The following PTPRD variants were observed in gnomAD, a reference collection of about 807,000 sequenced individuals.
PTPRD encodes the protein protein tyrosine phosphatase receptor type D, also known as receptor-type tyrosine-protein phosphatase delta.
In PTPRD, 34 loss-of-function variants were observed where a neutral mutation model predicts 214.5. The observed-to-expected ratio is 0.16, with a 90% CI of 0.12 to 0.21. The LOEUF is 0.21. Among genes scored for constraint, PTPRD ranks in the 10% least tolerant of loss-of-function variants. The pLI, the probability that PTPRD is intolerant of heterozygous loss-of-function variation, is 1.00. For missense variants in PTPRD, 2,545 were observed against 2,398.7 expected (o/e 1.06, Z -1.27); for synonymous variants, 1,128 against 845.7 (o/e 1.33, Z -5.79).
intron 14 of PTPRD, among the ~76,000 whole-genome samples, chr9:8,569,696 TA>T (rs2090525844): frequency 6.6e-6 from 1 of 152,116 alleles, no homozygotes; most frequent in South Asian, 2.1e-4. Context: ...AAAGAGACTT[TA>T]AAACTTCCAC....
At chr9:8,592,721 G>A (rs1250100657) in intron 14 of PTPRD, among the ~76,000 whole-genome samples, 1 of 152,156 alleles carries the variant, frequency 6.6e-6, no homozygotes, top group Non-Finnish European at 1.5e-5. Context: ...AGCACATAAG[G>A]GTTGCTGTGC....
intron 11 of PTPRD, among the ~76,000 whole-genome samples, chr9:8,816,051 A>T (rs1056353921): frequency 6.6e-6 from 1 of 152,210 alleles, no homozygotes; most frequent in South Asian, 2.1e-4. Flanking sequence ...CAGCAATTCC[A>T]GAATACCAAA....
intron 3 of PTPRD, among the ~76,000 whole-genome samples, chr9:10,050,857 A>C: frequency 6.6e-6 from 1 of 152,042 alleles, no homozygotes; most frequent in Non-Finnish European, 1.5e-5. Flanking sequence ...CCAAAAATTA[A>C]TTCTCTATCT....
chr9:9,840,229 G>C (rs1388617060), intron 5 of PTPRD, among the ~76,000 whole-genome samples: 1 of 151,762 alleles, frequency 6.6e-6, no homozygotes, highest in Admixed American at 6.6e-5. Context: ...GTAGAGATGG[G>C]GTTTTAAACT....
Position 9,859,839 on chromosome 9 carries a change from G to C in PTPRD, c.-368+78668C>G, listed in dbSNP as rs145542373. The stretch of plus-strand genomic sequence containing the variant: ...GACTTTCTCCTTATAACATGGCTCT[G>C]TTTCTTCTTGTGCCATGTACCGTTT... On this transcript the variant is annotated intron_variant, in intron 5 of 45. Coordinates refer to ENST00000381196, the MANE Select transcript of PTPRD (RefSeq NM_002839.4). 3.0e-3 allele frequency among the ~76,000 whole-genome samples: 461 copies of C among 152,204 alleles called. 5 individuals are homozygous for C. Among genetic ancestry groups the C allele is most frequent in the African/African-American group, 0.01 (435 of 41,544 alleles).
chr9:10,177,066 C>G (rs540886276), intron 3 of PTPRD, among the ~76,000 whole-genome samples: 2 of 151,802 alleles, frequency 1.3e-5, no homozygotes, highest in South Asian at 4.1e-4. Context: ...GATTGAGTCC[C>G]TTCACAAATC....
chr9:10,006,841 G>A (rs535621056), intron 4 of PTPRD, among the ~76,000 whole-genome samples: 2 of 151,720 alleles, frequency 1.3e-5, no homozygotes, highest in South Asian at 2.1e-4. Flanking sequence ...CTATCTACTG[G>A]TGTAATAACC....
chr9:9,275,156 TATATATAACATATATATA>T (rs1160082317), intron 9 of PTPRD, among the ~76,000 whole-genome samples: 2 of 60,476 alleles, frequency 3.3e-5, no homozygotes, highest in African/African-American at 8.5e-5. Flanking sequence ...TAATATATTA[TATATATAACATATATATA>T]ATATATATGT....
At chr9:8,906,986 G>T (rs886842769) in intron 11 of PTPRD, among the ~76,000 whole-genome samples, 1 of 152,010 alleles carries the variant, frequency 6.6e-6, no homozygotes, top group Non-Finnish European at 1.5e-5. Flanking sequence ...GGGCCCAGTG[G>T]AAAGTAAAAG....
intron 5 of PTPRD, among the ~76,000 whole-genome samples, chr9:9,859,988 C>G (rs1242210461): frequency 6.6e-6 from 1 of 152,160 alleles, no homozygotes; most frequent in Non-Finnish European, 1.5e-5. Context: ...CTAACAACAA[C>G]AACAAACTCC....
intron 27 of PTPRD, among the ~76,000 whole-genome samples, chr9:8,489,868 C>A (rs922495670): frequency 6.6e-5 from 10 of 152,310 alleles, no homozygotes; most frequent in African/African-American, 2.4e-4. Flanking sequence ...CAACAATTCA[C>A]TTTGTGCAAA....
intron 39 of PTPRD, among the ~76,000 whole-genome samples, chr9:8,345,380 G>C (rs1856604350): frequency 6.6e-6 from 1 of 152,062 alleles, no homozygotes; most frequent in African/African-American, 2.4e-5. Flanking sequence ...AGCACCCCCA[G>C]TGCTTCACAA....
intron 2 of PTPRD, among the ~76,000 whole-genome samples, chr9:10,503,987 G>A (rs1034223500): frequency 6.6e-6 from 1 of 150,838 alleles, no homozygotes; most frequent in African/African-American, 2.4e-5. Flanking sequence ...GTGGTGGCGG[G>A]CGCCTGTAGT....
At chr9:10,380,643 G>T (rs1236073535) in intron 2 of PTPRD, among the ~76,000 whole-genome samples, 2 of 151,988 alleles carry the variant, frequency 1.3e-5, no homozygotes, top group Non-Finnish European at 2.9e-5. Flanking sequence ...ATAAAATTGA[G>T]GCATTAGTGG....
chr9:9,946,015 CTA>C (rs1306889070), intron 4 of PTPRD, among the ~76,000 whole-genome samples: 1 of 74,808 alleles, frequency 1.3e-5, no homozygotes, highest in Non-Finnish European at 2.3e-5. Flanking sequence ...ATAAAAACTA[CTA>C]TATGTTAGAA....
intron 14 of PTPRD, among the ~76,000 whole-genome samples, chr9:8,589,066 G>A (rs1406619287): frequency 6.6e-6 from 1 of 152,128 alleles, no homozygotes; most frequent in Non-Finnish European, 1.5e-5. Flanking sequence ...AAGCTCTATA[G>A]AAAATTTTGA....
intron 5 of PTPRD, among the ~76,000 whole-genome samples, chr9:9,827,563 A>C (rs2053368089): frequency 6.6e-6 from 1 of 152,160 alleles, no homozygotes; most frequent in South Asian, 2.1e-4. Context: ...CCTAGAAGAA[A>C]ACCTAGGCAA....
chr9:8,696,146 C>T (rs1437885247), intron 12 of PTPRD, among the ~76,000 whole-genome samples: 1 of 152,174 alleles, frequency 6.6e-6, no homozygotes, highest in Non-Finnish European at 1.5e-5. Context: ...CAAACACCAC[C>T]TTCACGTTAT....
At chr9:9,196,803 C>A (rs2099938888) in intron 9 of PTPRD, among the ~76,000 whole-genome samples, 2 of 152,258 alleles carry the variant, frequency 1.3e-5, no homozygotes, top group African/African-American at 4.8e-5. Flanking sequence ...AAGAGCAAAG[C>A]AACAACTGAT....
Sources: gnomAD v4.1 joint callset for allele counts (sites outside exome capture counted in the v4.1 genomes callset) on GRCh38, gnomAD v4.1.1 for gene constraint, MANE v1.5 for transcripts, NCBI Gene and HGNC (gene_info 2026-07-23, HGNC 2026-07-21) for gene names.